CCDC171: variants seen among roughly 807,000 people sequenced by gnomAD.
The protein encoded by CCDC171 is coiled-coil domain containing 171.
Under a neutral mutation model 168.2 loss-of-function variants are expected in CCDC171, and 177 were observed. The observed-to-expected ratio is 1.05, with a 90% CI of 0.93 to 1.19. The LOEUF is 1.19. Among genes scored for constraint, CCDC171 ranks in the 50% most tolerant of loss-of-function variants. The pLI, the probability that CCDC171 is intolerant of heterozygous loss-of-function variation, is 0.00. For missense variants in CCDC171, 1,991 were observed against 1,539.0 expected (o/e 1.29, Z -4.91); for synonymous variants, 687 against 540.8 (o/e 1.27, Z -3.75).
intron 3 of CCDC171, among the ~76,000 whole-genome samples, chr9:15,981,228 T>C (rs1293890849): frequency 2.6e-5 from 4 of 152,160 alleles, no homozygotes; most frequent in Non-Finnish European, 5.9e-5. Flanking sequence ...TGGGAGGTAC[T>C]TCAGATTAGA....
chr9:16,028,745 T>G (rs186349658), intron 6 of CCDC171, among the ~76,000 whole-genome samples: 1 of 152,274 alleles, frequency 6.6e-6, no homozygotes, highest in Non-Finnish European at 1.5e-5. Flanking sequence ...TTGCTGCATT[T>G]GTCCCAAGGC....
At chr9:15,599,842 T>C (rs1022187718) in intron 6 of CCDC171, among the ~76,000 whole-genome samples, 1 of 152,144 alleles carries the variant, frequency 6.6e-6, no homozygotes, top group African/African-American at 2.4e-5. Flanking sequence ...AGACTTTCTT[T>C]GTTTCTTTTT....
chr9:15,962,475 A>G (rs934621055), intron 25 of CCDC171, among the ~76,000 whole-genome samples: 3 of 152,222 alleles, frequency 2.0e-5, no homozygotes, highest in African/African-American at 7.2e-5. Flanking sequence ...CAATGGTTCT[A>G]TCAATTTATA....
At chr9:15,579,366 A>G (rs949060128) in intron 4 of CCDC171, among the ~76,000 whole-genome samples, 1 of 152,208 alleles carries the variant, frequency 6.6e-6, no homozygotes, top group African/African-American at 2.4e-5. Flanking sequence ...CCCATCACAT[A>G]TAATATGAAT....
At chr9:15,688,743 C>T (rs770429146) in intron 10 of CCDC171, among the ~76,000 whole-genome samples, 1 of 152,164 alleles carries the variant, frequency 6.6e-6, no homozygotes, top group Non-Finnish European at 1.5e-5. Flanking sequence ...CTACATCTGA[C>T]ATTACATTTA....
chr9:16,012,667 T>C (rs1024062102), intron 3 of CCDC171, among the ~76,000 whole-genome samples: 1 of 152,188 alleles, frequency 6.6e-6, no homozygotes, highest in Non-Finnish European at 1.5e-5. Flanking sequence ...TATCAGACTC[T>C]TGCAGAATAC....
At chr9:15,899,039 C>T (rs1377052255) in intron 24 of CCDC171, among the ~76,000 whole-genome samples, 2 of 152,134 alleles carry the variant, frequency 1.3e-5, no homozygotes, top group African/African-American at 4.8e-5. Context: ...TTTGTCATTT[C>T]AATAATGTAA....
At chr9:15,937,693 A>C (rs7469281) in intron 25 of CCDC171, among the ~76,000 whole-genome samples, 35,155 of 151,884 alleles carry the variant, frequency 0.23, 4,323 homozygotes, top group Middle Eastern at 0.32. Context: ...GTTTTGCTTG[A>C]AAATGCTGAA....
At position 15,591,564 on chromosome 9, in the gene CCDC171, A is replaced by G; in HGVS notation, c.543+8A>G. 6.9e-7 allele frequency: 1 copy of G among 1,449,216 alleles called. No homozygotes were observed. Among genetic ancestry groups the G allele is most frequent in the Non-Finnish European group, 9.4e-7 (1 of 1,062,014 alleles). The allele number at this position is 1,449,216 out of a possible 1,614,324, so 89.8% of individuals were successfully genotyped here. A position where few individuals can be genotyped will look rare whatever the true frequency, so the allele number is the denominator to read the frequency against. On this transcript the variant is annotated splice_region_variant and intron_variant, in intron 5 of 25. Transcript: ENST00000380701. ...CTAGAGAAAACTCTACAGGTAAAAT[A>G]GTTTTTATAAAGGAATTTTCCGATA...
At position 15,886,736 on chromosome 9, in the gene CCDC171, T is replaced by G. The variant is rs185520029; in HGVS notation, c.3600+12073T>G. ...ACCTAAGTGTCCTCTGATGAATGAA[T>G]GGACAGAGGAAATGTTTATACACAC... On this transcript the variant is annotated intron_variant, in intron 24 of 25. Coordinates refer to ENST00000380701, the MANE Select transcript of CCDC171 (RefSeq NM_173550.4). 38 of 140,306 alleles carry G rather than the reference T, an allele frequency of 2.7e-4. No individual in the cohort carries two copies. The East Asian group carries it at 6.7e-3, about 25-fold the overall frequency. The allele number at this position is 140,306 out of a possible 1,614,324, so 8.7% of individuals were successfully genotyped here.
In CCDC171 at chr9:15,784,631, T is replaced by G. The variant is rs185139162; in HGVS notation, c.3204T>G (p.Tyr1068Ter). ...CACAACAACTACAGGAATTGAATTATAAACTTGAATTGCACTCCAGTGAGG... is the reference window on the plus strand; with the variant it reads ...CACAACAACTACAGGAATTGAATTAGAAACTTGAATTGCACTCCAGTGAGG... ...EQAQQLQELN[Y>*]KLELHSSEEA... Residue 1068 changes from tyrosine to a stop codon, truncating the protein, a stop_gained, in exon 21 of 26, where the codon TAT (tyrosine) becomes TAG (stop). Coordinates refer to ENST00000380701, the MANE Select transcript of CCDC171 (RefSeq NM_173550.4). LOFTEE classifies it high-confidence loss of function. 4 of 1,613,464 alleles carry G rather than the reference T, an allele frequency of 2.5e-6. No homozygotes were observed. Among genetic ancestry groups the G allele is most frequent in the East Asian group, 4.5e-5 (2 of 44,848 alleles).
chr9:15,767,283 T>G (rs2056774862), intron 18 of CCDC171, among the ~76,000 whole-genome samples: 1 of 152,196 alleles, frequency 6.6e-6, no homozygotes, highest in South Asian at 2.1e-4. Flanking sequence ...AGGGTGAATC[T>G]GATTCTTTTT....
chr9:16,051,905 C>G (rs1012538145), intron 1 of CCDC171, among the ~76,000 whole-genome samples: 1 of 152,126 alleles, frequency 6.6e-6, no homozygotes, highest in Non-Finnish European at 1.5e-5. Flanking sequence ...TGGAGGAAGT[C>G]GAATGAGGAG....
intron 24 of CCDC171, among the ~76,000 whole-genome samples, chr9:15,907,435 T>C (rs1437540281): frequency 6.6e-6 from 1 of 152,228 alleles, no homozygotes; most frequent in Non-Finnish European, 1.5e-5. Flanking sequence ...TAAATGGTGC[T>C]TGGAAAACTG....
intron 1 of CCDC171, among the ~76,000 whole-genome samples, chr9:15,556,092 AT>A (rs1339045974): frequency 6.6e-6 from 1 of 152,164 alleles, no homozygotes; most frequent in East Asian, 1.9e-4. Flanking sequence ...ATTGATGGAC[AT>A]TTGGGTTGGT....
intron 14 of CCDC171, among the ~76,000 whole-genome samples, chr9:15,725,436 C>G (rs1362360429): frequency 6.6e-6 from 1 of 152,030 alleles, no homozygotes; most frequent in African/African-American, 2.4e-5. Flanking sequence ...CTCTCCACAT[C>G]TTCGTTTCCT....
chr9:15,632,867 G>A (rs561702015), intron 7 of CCDC171, among the ~76,000 whole-genome samples: 155 of 152,020 alleles, frequency 1.0e-3, no homozygotes, highest in African/African-American at 3.4e-3. Context: ...AAATAATGCC[G>A]CATATCTATG....
chr9:15,564,025 A>G lies in CCDC171; in HGVS notation c.-64A>G. On this transcript the variant is annotated 5_prime_UTR_variant, in exon 2 of 26. Transcript: ENST00000380701. ...GCCACAGACATCTTGGGCAATTTTA[A>G]TCATCAAGAAAGAAATATGTCATTA... 2 of 1,323,150 alleles carry G rather than the reference A, an allele frequency of 1.5e-6. No individual in the cohort carries two copies. Among genetic ancestry groups the G allele is most frequent in the Non-Finnish European group, 2.2e-6 (2 of 928,282 alleles). The allele number at this position is 1,323,150 out of a possible 1,614,324, so 82.0% of individuals were successfully genotyped here.
At chr9:16,099,333 G>A in the CCDC171 span, among the ~76,000 whole-genome samples, 2 of 152,154 alleles carry the variant, frequency 1.3e-5, no homozygotes, top group African/African-American at 2.4e-5. Context: ...AGGAAAAGTG[G>A]CAGAGGAGCC....
Sources: allele counts gnomAD v4.1 joint callset (sites outside exome capture counted in the v4.1 genomes callset), GRCh38; gene constraint gnomAD v4.1.1; transcripts MANE v1.5; gene names NCBI Gene and HGNC (gene_info 2026-07-23, HGNC 2026-07-21).